STRN3: variants seen among roughly 807,000 people sequenced by gnomAD.
STRN3 encodes the protein striatin-3.
In STRN3, 29 loss-of-function variants were observed where a neutral mutation model predicts 95.6. The ratio of observed to expected loss-of-function variants is 0.30; its 90% CI spans 0.23 to 0.41. The LOEUF (loss-of-function observed/expected upper bound fraction) is 0.41. STRN3 is among the 10% of genes least tolerant of loss of function. The probability of loss-of-function intolerance (pLI) is 1.00; values close to 1 mark genes in which losing one functional copy is unlikely to be tolerated. For synonymous variants in STRN3, 331 were observed against 357.6 expected, an observed-to-expected ratio of 0.93 and a Z score of 0.84; for missense variants, 890 against 972.1, an observed-to-expected ratio of 0.92 and a Z score of 1.12.
chr14:30,949,352 C>A (rs992187309), intron 4 of STRN3, among the ~76,000 whole-genome samples: 4 of 152,204 alleles, frequency 2.6e-5, no homozygotes, highest in Non-Finnish European at 4.4e-5. Context: ...GTGGCTCACA[C>A]CTGTAATCCC....
At chr14:30,979,585 C>T (rs1313369758) in intron 1 of STRN3, among the ~76,000 whole-genome samples, 1 of 151,902 alleles carries the variant, frequency 6.6e-6, no homozygotes, top group African/African-American at 2.4e-5. Flanking sequence ...CGTTGATTTG[C>T]GACATTTTAT....
intron 1 of STRN3, among the ~76,000 whole-genome samples, chr14:30,981,576 T>TCTCACACACA (rs145358099): frequency 6.9e-6 from 1 of 145,298 alleles, no homozygotes; most frequent in East Asian, 2.1e-4. Flanking sequence ...AGCTTAGAAT[T>TCTCACACACA]CACACACACA....
intron 9 of STRN3, among the ~76,000 whole-genome samples, chr14:30,915,697 G>T (rs1171322526): frequency 1.3e-5 from 2 of 152,122 alleles, no homozygotes; most frequent in Non-Finnish European, 2.9e-5. Context: ...TAAGCTCAGG[G>T]AATTTGTTTC....
intron 1 of STRN3, among the ~76,000 whole-genome samples, chr14:31,013,788 T>G (rs1186364638): frequency 6.8e-6 from 1 of 147,404 alleles, no homozygotes; most frequent in African/African-American, 2.5e-5. Flanking sequence ...ACGGGGGGGG[T>G]CTCACTATGT....
chr14:31,023,151 G>C (rs983884957), intron 1 of STRN3, among the ~76,000 whole-genome samples: 1 of 152,172 alleles, frequency 6.6e-6, no homozygotes, highest in Non-Finnish European at 1.5e-5. Flanking sequence ...TGTGAAGAAA[G>C]AATCACTTGT....
chr14:30,986,844 G>A (rs1011778562), intron 1 of STRN3, among the ~76,000 whole-genome samples: 2 of 152,132 alleles, frequency 1.3e-5, no homozygotes, highest in African/African-American at 4.8e-5. Flanking sequence ...AGGAAGGAAA[G>A]AAAAATCAAT....
At position 30,987,793 on chromosome 14, in the gene STRN3, A is replaced by C. The variant is rs139136730; in HGVS notation, c.283-31551T>G. Among the ~76,000 whole-genome samples, 402 of 151,036 alleles carry C rather than the reference A, an allele frequency of 2.7e-3. 1 individual carries two copies. Among genetic ancestry groups the C allele is most frequent in the Non-Finnish European group, 4.7e-3 (319 of 67,842 alleles). Reference sequence around the variant, plus strand: ...CGTTCTGTTGCCCAGGCTGGAGTGCAGTGGCGCGCGGTCTTGGTACTGCAA... The same window carrying C: ...CGTTCTGTTGCCCAGGCTGGAGTGCCGTGGCGCGCGGTCTTGGTACTGCAA... On this transcript the variant is annotated intron_variant, in intron 1 of 17. Transcript: ENST00000357479.
At chr14:30,930,350 A>C (rs6571371) in intron 7 of STRN3, among the ~76,000 whole-genome samples, 151,707 of 152,232 alleles carry the variant, frequency 1, 75,598 homozygotes, top group Non-Finnish European at 1. Context: ...TTTATAAGAG[A>C]CACCCTAGGC....
At chr14:30,939,617 AAAT>A (rs1175383412) in intron 5 of STRN3, among the ~76,000 whole-genome samples, 2 of 152,076 alleles carry the variant, frequency 1.3e-5, no homozygotes, top group Non-Finnish European at 2.9e-5. Context: ...GCTTGCTAGG[AAAT>A]ACTTAGGAGA....
Position 30,993,794 on chromosome 14 carries a change from C to T in STRN3, c.282+32110G>A, listed in dbSNP as rs919666381. ...TCGCAGGTTCAAGCAATTCTCCTGC[C>T]TTAGCCTCCTGAGTAGCTTGGATTA... On this transcript the variant is annotated intron_variant, in intron 1 of 17. Transcript: ENST00000357479. 3.4e-4 allele frequency among the ~76,000 whole-genome samples: 51 copies of T among 152,068 alleles called. 1 individual carries two copies. Among genetic ancestry groups the T allele is most frequent in the African/African-American group, 1.2e-3 (50 of 41,434 alleles).
intron 5 of STRN3, among the ~76,000 whole-genome samples, chr14:30,936,974 A>G (rs1302283263): frequency 6.6e-6 from 1 of 152,074 alleles, no homozygotes; most frequent in South Asian, 2.1e-4. Context: ...TATAACTACA[A>G]CCTCTTACAG....
At chr14:30,925,345 GT>G (rs1313785226) in intron 8 of STRN3, among the ~76,000 whole-genome samples, 1 of 151,702 alleles carries the variant, frequency 6.6e-6, no homozygotes, top group African/African-American at 2.4e-5. Flanking sequence ...TCTTGAATGG[GT>G]CTTTACAAAG....
At chr14:30,942,587 A>C (rs913045651) in intron 5 of STRN3, among the ~76,000 whole-genome samples, 47 of 152,230 alleles carry the variant, frequency 3.1e-4, no homozygotes, top group African/African-American at 1.1e-3. Flanking sequence ...GGAGGTTCAA[A>C]GGTAAATAAG....
chr14:30,919,302 G>GGA (rs745610046), intron 8 of STRN3, among the ~76,000 whole-genome samples, 196 bp from the exon 9 acceptor site: 1 of 151,356 alleles, frequency 6.6e-6, no homozygotes, highest in Admixed American at 6.6e-5. Flanking sequence ...CTATTTCTGT[G>GGA]GAGAGAGAGA....
chr14:30,898,916 CTG>C (rs1414171102), intron 16 of STRN3, among the ~76,000 whole-genome samples: 1 of 152,198 alleles, frequency 6.6e-6, no homozygotes, highest in Non-Finnish European at 1.5e-5. Context: ...CGGAAACAAA[CTG>C]TGTGAGTTTA....
At chr14:30,940,237 C>G (rs975742190) in intron 5 of STRN3, among the ~76,000 whole-genome samples, 7 of 152,256 alleles carry the variant, frequency 4.6e-5, no homozygotes, top group African/African-American at 1.7e-4. Flanking sequence ...CAACTGTTTC[C>G]TGAAATTTCC....
intron 8 of STRN3, among the ~76,000 whole-genome samples, chr14:30,927,743 G>A (rs183228812): frequency 4.0e-4 from 60 of 151,386 alleles, no homozygotes; most frequent in African/African-American, 1.4e-3. Context: ...CCTGGCTAAC[G>A]CAGTAAATCT....
In STRN3 at chr14:30,935,200, A is replaced by G. The variant is rs891604656; in HGVS notation, c.951T>C (p.Ala317=). 6.2e-7 allele frequency: 1 copy of G among 1,614,000 alleles called. No individual in the cohort carries two copies. Among genetic ancestry groups the G allele is most frequent in the Non-Finnish European group, 8.5e-7 (1 of 1,180,002 alleles). The change falls in exon 7 of 18, where the codon GCT becomes GCC. Residue 317 remains alanine (A), a synonymous_variant. Coordinates refer to ENST00000357479, the MANE Select transcript of STRN3 (RefSeq NM_001083893.2). ...FLVTAEDGEG[A]GEARSSGDGT... The stretch of plus-strand genomic sequence containing the variant: ...CATCCCCCGAACTCCGTGCTTCTCC[A>G]GCTCCTTCACCATCTTCAGCAGTCA...
chr14:30,978,232 A>G (rs1881211078), intron 1 of STRN3, among the ~76,000 whole-genome samples: 1 of 152,210 alleles, frequency 6.6e-6, no homozygotes, highest in Non-Finnish European at 1.5e-5. Flanking sequence ...CATATCTCTC[A>G]TGAGCATAGA....
Sources: allele counts gnomAD v4.1 joint callset (sites outside exome capture counted in the v4.1 genomes callset), GRCh38; gene constraint gnomAD v4.1.1; transcripts MANE v1.5; gene names NCBI Gene and HGNC (gene_info 2026-07-23, HGNC 2026-07-21).